STX8: variants seen among roughly 807,000 people sequenced by gnomAD.
STX8 encodes the protein syntaxin 8, also known as syntaxin-8.
STX8 carries 23 observed loss-of-function variants against 37.5 expected under a neutral mutation model. The ratio of observed to expected loss-of-function variants is 0.61; its 90% CI spans 0.44 to 0.87. STX8 has a LOEUF of 0.87. Among genes scored for constraint, STX8 ranks in the 40% least tolerant of loss-of-function variants. The pLI is 0.00. For missense variants in STX8, 313 were observed against 284.7 expected, an observed-to-expected ratio of 1.10 and a Z score of -0.71; for synonymous variants, 115 against 99.1, an observed-to-expected ratio of 1.16 and a Z score of -0.95.
chr17:9,572,240 T>C (rs1907714581), intron 1 of STX8, among the ~76,000 whole-genome samples: 1 of 152,176 alleles, frequency 6.6e-6, no homozygotes, highest in South Asian at 2.1e-4. Context: ...ACAGTGATCA[T>C]GGGCTCCTTC....
chr17:9,446,595 A>G (rs1339116235), intron 6 of STX8, among the ~76,000 whole-genome samples: 1 of 152,210 alleles, frequency 6.6e-6, no homozygotes, highest in East Asian at 1.9e-4. Flanking sequence ...CCACAAAGAT[A>G]GAAAGGAATA....
In STX8 at chr17:9,303,090, G is replaced by A. The variant is rs377451477; in HGVS notation, c.644-52445C>T. Among the ~76,000 whole-genome samples, 59 of 151,420 alleles carry A rather than the reference G, an allele frequency of 3.9e-4. 1 individual carries two copies. In the South Asian group the frequency reaches 0.011, roughly 29 times the overall value. Reference sequence around the variant, plus strand: ...GGGTGGATCACAAGGTCAAGAGATCGAGACCATCCTGGCCAACATGGTGAA... The same window carrying A: ...GGGTGGATCACAAGGTCAAGAGATCAAGACCATCCTGGCCAACATGGTGAA... On this transcript the variant is annotated intron_variant, in intron 7 of 7. Transcript: ENST00000306357.
At chr17:9,338,671 A>T (rs1317089161) in intron 7 of STX8, among the ~76,000 whole-genome samples, 4 of 152,150 alleles carry the variant, frequency 2.6e-5, no homozygotes, top group African/African-American at 7.2e-5. Context: ...GTTTCCAAGG[A>T]CCACCTATTT....
At chr17:9,354,662 T>G (rs1567795382) in intron 7 of STX8, among the ~76,000 whole-genome samples, 1 of 152,198 alleles carries the variant, frequency 6.6e-6, no homozygotes, top group Non-Finnish European at 1.5e-5. Context: ...TCCATTTCTG[T>G]ATTACTTTTT....
At chr17:9,292,336 C>T (rs1047473592) in intron 7 of STX8, among the ~76,000 whole-genome samples, 4 of 152,220 alleles carry the variant, frequency 2.6e-5, no homozygotes, top group Admixed American at 1.3e-4. Context: ...CGTGGGAGAC[C>T]TGCAGCTTAG....
chr17:9,273,780 C>T (rs911985732), intron 7 of STX8, among the ~76,000 whole-genome samples: 3 of 152,220 alleles, frequency 2.0e-5, no homozygotes, highest in African/African-American at 4.8e-5. Flanking sequence ...GGCGATTTCC[C>T]ACGCATTCCC....
chr17:9,523,010 G>C (rs1055455962), intron 4 of STX8, among the ~76,000 whole-genome samples: 3 of 151,874 alleles, frequency 2.0e-5, no homozygotes, highest in Non-Finnish European at 4.4e-5. Context: ...TTATATACAT[G>C]TATCAAAATA....
intron 7 of STX8, among the ~76,000 whole-genome samples, chr17:9,325,129 C>T (rs1909712574): frequency 6.6e-6 from 1 of 152,080 alleles, no homozygotes; most frequent in South Asian, 2.1e-4. Flanking sequence ...TGTAAGTGTT[C>T]TGAGCACCTT....
At chr17:9,510,068 C>T (rs1203779187) in intron 4 of STX8, among the ~76,000 whole-genome samples, 1 of 152,110 alleles carries the variant, frequency 6.6e-6, no homozygotes, top group Admixed American at 6.6e-5. Context: ...GGGATCAATT[C>T]AACAAGAGAA....
chr17:9,552,942 A>G (rs1906827431), intron 3 of STX8: 1 of 152,172 alleles, frequency 6.6e-6, no homozygotes, highest in Non-Finnish European at 1.5e-5. Context: ...AAATTTATTT[A>G]TAGATTTTTA....
At chr17:9,311,920 TCA>T (rs1567779227) in intron 7 of STX8, among the ~76,000 whole-genome samples, 8 of 152,236 alleles carry the variant, frequency 5.3e-5, no homozygotes, top group Non-Finnish European at 1.5e-5. Flanking sequence ...TGATCTTGGC[TCA>T]CTGCAACCTC....
intron 6 of STX8, among the ~76,000 whole-genome samples, chr17:9,396,364 T>G: frequency 1.5e-5 from 2 of 132,162 alleles, no homozygotes; most frequent in Non-Finnish European, 3.2e-5. Context: ...AGCATAGGAA[T>G]TTGGGGGGGC....
chr17:9,484,933 A>G (rs963609906), intron 6 of STX8, among the ~76,000 whole-genome samples: 2 of 152,288 alleles, frequency 1.3e-5, no homozygotes, highest in Middle Eastern at 3.4e-3. Context: ...AGGGAATGCA[A>G]TGACTAGATC....
At chr17:9,300,989 C>T (rs374985125) in intron 7 of STX8, among the ~76,000 whole-genome samples, 26 of 151,746 alleles carry the variant, frequency 1.7e-4, no homozygotes, top group African/African-American at 5.6e-4. Flanking sequence ...CCTGCCACCA[C>T]GCCCGGCTAA....
intron 7 of STX8, among the ~76,000 whole-genome samples, chr17:9,327,868 CTCT>C (rs1207523878): frequency 2.6e-5 from 4 of 151,762 alleles, no homozygotes; most frequent in South Asian, 4.2e-4. Flanking sequence ...CTCCCTTCCT[CTCT>C]TTTTTCCTTC....
chr17:9,284,505 A>G (rs1908006876), intron 7 of STX8, among the ~76,000 whole-genome samples: 1 of 152,222 alleles, frequency 6.6e-6, no homozygotes, highest in South Asian at 2.1e-4. Flanking sequence ...TAAACAATAC[A>G]TGTTTTTTTG....
chr17:9,364,916 T>C (rs1349331905), intron 7 of STX8, among the ~76,000 whole-genome samples: 1 of 152,168 alleles, frequency 6.6e-6, no homozygotes, highest in Non-Finnish European at 1.5e-5. Context: ...CTTTTACATT[T>C]TTCTGTACTA....
intron 7 of STX8, among the ~76,000 whole-genome samples, chr17:9,337,933 C>T (rs1250990340): frequency 6.6e-6 from 1 of 151,854 alleles, no homozygotes; most frequent in East Asian, 1.9e-4. Flanking sequence ...GCAGTGTGGC[C>T]AACGGGGAAG....
At chr17:9,342,330 A>G (rs765554497) in intron 7 of STX8, among the ~76,000 whole-genome samples, 10 of 152,140 alleles carry the variant, frequency 6.6e-5, no homozygotes, top group Non-Finnish European at 1.5e-4. Context: ...CCTGCTCCAG[A>G]GCCAGGTTGG....
Sources: allele counts gnomAD v4.1 joint callset (sites outside exome capture counted in the v4.1 genomes callset), GRCh38; gene constraint gnomAD v4.1.1; transcripts MANE v1.5; gene names NCBI Gene and HGNC (gene_info 2026-07-23, HGNC 2026-07-21).